Variants in GTF3C3 observed in about 807,000 individuals in gnomAD.
GTF3C3 encodes general transcription factor IIIC subunit 3, also known as general transcription factor 3C polypeptide 3.
In GTF3C3, 75 loss-of-function variants were observed where a neutral mutation model predicts 105.2. That is an observed-to-expected ratio of 0.71 (90% CI 0.59 to 0.86). The LOEUF is 0.86. Ranked by LOEUF, GTF3C3 falls within the 40% of genes least tolerant of loss-of-function variation. The pLI is 0.00. For missense variants in GTF3C3, 856 were observed against 1,076.5 expected (o/e 0.80, Z 2.87); for synonymous variants, 335 against 370.4 (o/e 0.90, Z 1.10).
intron 9 of GTF3C3, 129 bp from the exon 10 acceptor site, chr2:196,779,196 T>C: frequency 2.9e-6 from 2 of 683,884 alleles, no homozygotes; most frequent in Non-Finnish European, 4.9e-6. Flanking sequence ...GGCACAATCT[T>C]GGCTCACTGC....
At position 196,776,022 on chromosome 2, in the gene GTF3C3, G is replaced by A. The variant is rs780963594; in HGVS notation, c.1683C>T (p.Ala561=). ...GYVDTLLTML[A]MLLKVAMNRA... The stretch of plus-strand genomic sequence containing the variant: ...GATCATTACCCACCTTTAAAAGCAT[G>A]GCTAACATAGTAAGTAAGGTATCCA... Residue 561 remains alanine, a synonymous_variant, in exon 12 of 18, where the codon GCC becomes GCT. Transcript: ENST00000263956. This position sits in a 1 kb window ranked among gnomAD's most constrained non-coding sequence, Gnocchi z 4.5. 3 of 1,543,514 alleles carry A rather than the reference G, an allele frequency of 1.9e-6. No homozygotes were observed. The highest frequency in any genetic ancestry group is 1.2e-5 in the South Asian group (1 of 84,006).
chr2:196,785,222 T>TACAG (rs79537182), intron 7 of GTF3C3, among the ~76,000 whole-genome samples: 40,357 of 151,882 alleles, frequency 0.27, 6,249 homozygotes, highest in African/African-American at 0.44. Context: ...TACCCTGAAG[T>TACAG]ACATACTTAG....
chr2:196,774,424 A>T (rs1393021609), intron 13 of GTF3C3, among the ~76,000 whole-genome samples: 1 of 152,250 alleles, frequency 6.6e-6, no homozygotes, highest in African/African-American at 2.4e-5. Flanking sequence ...AAGTGAAAAG[A>T]TCACAGTACA....
intron 8 of GTF3C3, among the ~76,000 whole-genome samples, chr2:196,781,360 ATAT>A (rs1699356788): frequency 5.9e-5 from 5 of 85,438 alleles, no homozygotes; most frequent in African/African-American, 9.6e-5. Context: ...AAAAAAAAAT[ATAT>A]ATATATATAT....
Position 196,793,131 on chromosome 2 carries a change from C to G in GTF3C3, c.236G>C (p.Arg79Thr), listed in dbSNP as rs1215237187. The change falls in exon 3 of 18, where the codon AGG becomes ACG. Residue 79 changes from arginine to threonine, a missense_variant. Physicochemically the swap from Arg to Thr is moderately conservative, Grantham distance 71 (BLOSUM62 -1). Transcript: ENST00000263956. Reference sequence around the variant, plus strand: ...AGCAAAGACCTTGTGAACTGACTTCCTCACTCCATCTGATGTTTCTCCTGA... The same window carrying G: ...AGCAAAGACCTTGTGAACTGACTTCGTCACTCCATCTGATGTTTCTCCTGA... ...VNEGETSDGV[R>T]KSVHKVFASM... 1.2e-6 allele frequency: 2 copies of G among 1,611,220 alleles called. No individual in the cohort carries two copies. Among genetic ancestry groups the G allele is most frequent in the Non-Finnish European group, 1.7e-6 (2 of 1,178,070 alleles).
intron 13 of GTF3C3, among the ~76,000 whole-genome samples, chr2:196,774,740 T>C (rs1224263221): frequency 1.3e-5 from 2 of 152,192 alleles, no homozygotes; most frequent in Non-Finnish European, 2.9e-5. Context: ...CTATGACTAT[T>C]GCTACATTTG....
chr2:196,799,438 G>T, intron 1 of GTF3C3, 72 bp downstream of exon 1: 1 of 1,141,302 alleles, frequency 8.8e-7, no homozygotes, highest in Non-Finnish European at 1.3e-6. Context: ...GAAAGCGGTC[G>T]TCTGGGTCCC....
chr2:196,793,427 A>G (rs4850733), intron 2 of GTF3C3, among the ~76,000 whole-genome samples: 152,190 of 152,212 alleles, frequency 1, 76,084 homozygotes, highest in Middle Eastern at 1. Context: ...ATAATACAGA[A>G]GAAAAAAAAT....
At position 196,763,121 on chromosome 2, in the gene GTF3C3, C is replaced by A. The variant is rs1698999097; in HGVS notation, c.*1442G>T. 6.6e-6 allele frequency: 1 copy of A among 152,162 alleles called. No individual in the cohort carries two copies. The highest frequency in any genetic ancestry group is 1.5e-5 in the Non-Finnish European group (1 of 68,024). 9.4% of individuals were successfully genotyped at this position (152,162 alleles called of 1,614,324 possible). ...CTACCTTGCAGTTCCCTGAGAGAAT[C>A]AGAGATAACATATCCAAAGTGTTTA... On this transcript the variant is annotated 3_prime_UTR_variant, in exon 18 of 18. Transcript: ENST00000263956.
At chr2:196,770,728 GCTT>G (rs1699157474) in intron 15 of GTF3C3, among the ~76,000 whole-genome samples, 1 of 152,054 alleles carries the variant, frequency 6.6e-6, no homozygotes, top group Admixed American at 6.6e-5. Context: ...CTTCCTTCTG[GCTT>G]CTATTTTGGA....
intron 6 of GTF3C3, among the ~76,000 whole-genome samples, chr2:196,787,841 T>G (rs1423804793): frequency 3.3e-5 from 5 of 152,210 alleles, no homozygotes; most frequent in African/African-American, 1.2e-4. Flanking sequence ...GTGCCAAAGA[T>G]ATATTCAATA....
At chr2:196,781,357 A>AAAAAAAATATATAT in intron 8 of GTF3C3, among the ~76,000 whole-genome samples, 5 of 18,822 alleles carry the variant, frequency 2.7e-4, no homozygotes, top group African/African-American at 3.1e-4. Context: ...AAAAAAAAAA[A>AAAAAAAATATATAT]ATATATATAT....
At chr2:196,783,206 C>G (rs1345247507) in intron 8 of GTF3C3, among the ~76,000 whole-genome samples, 1 of 147,874 alleles carries the variant, frequency 6.8e-6, no homozygotes, top group Non-Finnish European at 1.5e-5. Context: ...AATAAAGAAG[C>G]CACTACTTAA....
chr2:196,797,832 T>A lies in GTF3C3; in HGVS notation c.179A>T (p.Asn60Ile), dbSNP rs1243907198. 1.2e-6 allele frequency: 2 copies of A among 1,610,788 alleles called. No individual in the cohort carries two copies. The highest frequency in any genetic ancestry group is 1.7e-6 in the Non-Finnish European group (2 of 1,176,912). The change falls in exon 2 of 18, where the codon AAC becomes ATC. Residue 60 changes from asparagine (N) to isoleucine (I), a missense_variant. Physicochemically the swap from Asn to Ile is moderately radical, Grantham distance 149 (BLOSUM62 -3). Coordinates refer to ENST00000263956, the MANE Select transcript of GTF3C3 (RefSeq NM_012086.5). The part of the protein sequence containing the change: ...DSEVPSSSGI[N>I]STKSQDKDVN... ...ATCTTTGTCTTGGGATTTGGTAGAG[T>A]TAATTCCTGATGATGATGGAACTTC...
rs1003756702 is a variant in GTF3C3, at chr2:196,776,234, A to G, written c.1594-123T>C. 2 of 692,844 alleles carry G rather than the reference A, an allele frequency of 2.9e-6. No individual in the cohort carries two copies. The highest frequency in any genetic ancestry group is 3.6e-5 in the African/African-American group (2 of 55,644). 42.9% of individuals were successfully genotyped at this position (692,844 alleles called of 1,614,324 possible). The stretch of plus-strand genomic sequence containing the variant: ...GCTTTATGGTCTTTCACAATAATTA[A>G]GAGCCAATATTTTAAAACTATAATT... On this transcript the variant is annotated intron_variant, in intron 11 of 17. Transcript: ENST00000263956. This position sits in a 1 kb window ranked among gnomAD's most constrained non-coding sequence, Gnocchi z 4.5.
In GTF3C3 at chr2:196,776,175, G is replaced by T; in HGVS notation, c.1594-64C>A. 2 of 906,464 alleles carry T rather than the reference G, an allele frequency of 2.2e-6. No homozygotes were observed. Among genetic ancestry groups the T allele is most frequent in the Non-Finnish European group, 3.4e-6 (2 of 582,886 alleles). 56.2% of individuals were successfully genotyped at this position (906,464 alleles called of 1,614,324 possible). A position where few individuals can be genotyped will look rare whatever the true frequency, so the allele number is the denominator to read the frequency against. On this transcript the variant is annotated intron_variant, in intron 11 of 17. Transcript: ENST00000263956. This position sits in a 1 kb window ranked among gnomAD's most constrained non-coding sequence, Gnocchi z 4.5. ...TCCTTTTCTACAAATTGTTTTATTT[G>T]CATAGAAACATTTTTAAAAAAACAA...
intron 2 of GTF3C3, among the ~76,000 whole-genome samples, chr2:196,795,767 T>C (rs1699632041): frequency 6.6e-6 from 1 of 152,200 alleles, no homozygotes; most frequent in Non-Finnish European, 1.5e-5. Context: ...CCACCACTTC[T>C]GTTCAACATT....
intron 16 of GTF3C3, 72 bp from the exon 17 acceptor site, chr2:196,766,789 A>T: frequency 2.6e-6 from 3 of 1,152,796 alleles, no homozygotes; most frequent in Non-Finnish European, 3.7e-6. Flanking sequence ...CTGTATTACC[A>T]GGTGCTGAAA....
At chr2:196,791,560 T>C in intron 3 of GTF3C3, 100 bp from the exon 4 acceptor site, 2 of 1,119,932 alleles carry the variant, frequency 1.8e-6, no homozygotes, top group South Asian at 1.8e-5. Flanking sequence ...AAACTGAAAT[T>C]TTCCTTTAAA....
Sources: gnomAD v4.1 joint callset for allele counts (sites outside exome capture counted in the v4.1 genomes callset) on GRCh38, gnomAD v4.1.1 for gene constraint, Gnocchi (gnomAD v3.1) non-coding constraint, MANE v1.5 for transcripts, NCBI Gene and HGNC (gene_info 2026-07-23, HGNC 2026-07-21) for gene names.